Variants in NTM observed in about 807,000 individuals in gnomAD.
NTM encodes the protein IgLON family member 2.
In NTM, 13 loss-of-function variants were observed where a neutral mutation model predicts 42.1. The ratio of observed to expected loss-of-function variants is 0.31; its 90% CI spans 0.20 to 0.49. The LOEUF is 0.49. Among genes scored for constraint, NTM ranks in the 20% least tolerant of loss-of-function variants. The pLI, the probability that NTM is intolerant of heterozygous loss-of-function variation, is 0.99. For synonymous variants in NTM, 187 were observed against 179.2 expected (o/e 1.04, Z -0.35); for missense variants, 373 against 452.8 (o/e 0.82, Z 1.60).
chr11:132,019,172 CTT>C (rs149348607), intron 2 of NTM, among the ~76,000 whole-genome samples: 2,470 of 151,350 alleles, frequency 0.016, 75 homozygotes, highest in African/African-American at 0.055. Flanking sequence ...TTTTCATTCT[CTT>C]ATCATTATTA....
chr11:132,228,526 G>A (rs1037357708), intron 4 of NTM, among the ~76,000 whole-genome samples: 1 of 152,238 alleles, frequency 6.6e-6, no homozygotes, highest in Non-Finnish European at 1.5e-5. Context: ...CTTGGAGAGG[G>A]AAAGCCAGTT....
chr11:132,151,442 T>C (rs916254213), intron 3 of NTM, among the ~76,000 whole-genome samples: 3 of 152,208 alleles, frequency 2.0e-5, no homozygotes, highest in African/African-American at 4.8e-5. Context: ...CTGGTGTACC[T>C]GCAGGAATTC....
At chr11:131,820,431 G>A (rs116080966) in intron 1 of NTM, among the ~76,000 whole-genome samples, 2,937 of 152,176 alleles carry the variant, frequency 0.019, 89 homozygotes, top group African/African-American at 0.066. Context: ...TTCCATGCTT[G>A]CTTTTCATTT....
intron 3 of NTM, among the ~76,000 whole-genome samples, chr11:132,152,586 C>T (rs745834464): frequency 4.6e-5 from 7 of 152,164 alleles, no homozygotes; most frequent in Non-Finnish European, 7.3e-5. Flanking sequence ...CAAAGCACCC[C>T]GGAGAATGAC....
intron 2 of NTM, among the ~76,000 whole-genome samples, chr11:132,109,974 C>A (rs1322527446): frequency 6.6e-6 from 1 of 152,226 alleles, no homozygotes; most frequent in Admixed American, 6.5e-5. Flanking sequence ...CAGGCTCCTG[C>A]TTACCATTTG....
intron 1 of NTM, among the ~76,000 whole-genome samples, chr11:131,432,252 C>T (rs1039675456): frequency 1.3e-5 from 2 of 152,096 alleles, no homozygotes; most frequent in African/African-American, 2.4e-5. Context: ...TCTTTATTCC[C>T]CGCCAGTCCG....
At chr11:131,976,248 G>C (rs1388558700) in intron 2 of NTM, among the ~76,000 whole-genome samples, 4 of 151,970 alleles carry the variant, frequency 2.6e-5, no homozygotes, top group Non-Finnish European at 1.5e-5. Context: ...TGAAAAGAGA[G>C]GTGATAAGAG....
chr11:131,463,504 T>A (rs1408238824), intron 1 of NTM, among the ~76,000 whole-genome samples: 2 of 152,206 alleles, frequency 1.3e-5, no homozygotes, highest in African/African-American at 4.8e-5. Context: ...GGGATTAGCA[T>A]ATCAGCCAGG....
At chr11:131,688,362 C>A (rs981992718) in intron 1 of NTM, among the ~76,000 whole-genome samples, 6 of 152,228 alleles carry the variant, frequency 3.9e-5, no homozygotes, top group African/African-American at 9.6e-5. Context: ...GGATAGCACA[C>A]GCCACTAACT....
intron 1 of NTM, among the ~76,000 whole-genome samples, chr11:131,725,137 C>T (rs1479746464): frequency 6.6e-6 from 1 of 152,058 alleles, no homozygotes; most frequent in African/African-American, 2.4e-5. Context: ...AATCTGTTGG[C>T]AATGAAGGCC....
intron 1 of NTM, among the ~76,000 whole-genome samples, chr11:131,450,144 C>A (rs140864667): frequency 1.3e-5 from 2 of 152,276 alleles, no homozygotes; most frequent in East Asian, 3.9e-4. Flanking sequence ...CTTTGTCCTG[C>A]AAAATAACTT....
At position 132,218,055 on chromosome 11, in the gene NTM, AGCTCTG is replaced by A. The variant is rs981528914; in HGVS notation, c.526+5911_526+5916del. Among the ~76,000 whole-genome samples, 58 of 152,260 alleles carry A rather than the reference AGCTCTG, an allele frequency of 3.8e-4. 1 individual carries two copies. The highest frequency in any genetic ancestry group is 3.4e-3 in the Admixed American group (52 of 15,300). On this transcript the variant is annotated intron_variant, in intron 4 of 8. Coordinates refer to ENST00000683400, the MANE Select transcript of NTM (RefSeq NM_001352005.2). Reference sequence around the variant, plus strand: ...CTCTGTGAAAAAGTGTCAGGAGCAGAGCTCTGGCGTGCCATCGGCTGACTGCAGCAC... The same window carrying A: ...CTCTGTGAAAAAGTGTCAGGAGCAGAGCGTGCCATCGGCTGACTGCAGCAC...
rs569523855 is a variant in NTM at position 131,655,194 on chromosome 11, C to G, written c.83-256370C>G. ...GGGGTTGGGATACGACTTGAGTATGCGGGTTTTTCAAGTCTTCTGAAGTCA... is the reference window on the plus strand; with the variant it reads ...GGGGTTGGGATACGACTTGAGTATGGGGGTTTTTCAAGTCTTCTGAAGTCA... On this transcript the variant is annotated intron_variant, in intron 1 of 8. Transcript: ENST00000683400. Among the ~76,000 whole-genome samples, 25 of 152,258 alleles carry G rather than the reference C, an allele frequency of 1.6e-4. 1 individual carries two copies. Among genetic ancestry groups the G allele is most frequent in the Admixed American group, 1.3e-4 (2 of 15,294 alleles).
intron 8 of NTM, chr11:132,332,472 C>T (rs2095817829): frequency 6.6e-6 from 1 of 152,154 alleles, no homozygotes; most frequent in Admixed American, 6.5e-5. Context: ...GGCTGGCAGG[C>T]ACTTGGTGGC....
At chr11:132,168,097 C>T (rs1297594220) in intron 3 of NTM, among the ~76,000 whole-genome samples, 1 of 152,190 alleles carries the variant, frequency 6.6e-6, no homozygotes, top group African/African-American at 2.4e-5. Flanking sequence ...TCACAAGATA[C>T]ATTAATCAGT....
At chr11:131,925,128 C>G (rs1395223271) in intron 2 of NTM, among the ~76,000 whole-genome samples, 1 of 152,184 alleles carries the variant, frequency 6.6e-6, no homozygotes, top group Non-Finnish European at 1.5e-5. Context: ...CAAATGAGCA[C>G]ATATCCATAA....
At chr11:132,011,015 C>T (rs2072051753) in intron 2 of NTM, among the ~76,000 whole-genome samples, 1 of 151,176 alleles carries the variant, frequency 6.6e-6, no homozygotes, top group African/African-American at 2.4e-5. Context: ...CTCGTATGGG[C>T]ATTATCACAA....
intron 2 of NTM, among the ~76,000 whole-genome samples, chr11:132,000,891 G>T (rs2069083092): frequency 6.6e-6 from 1 of 152,228 alleles, no homozygotes; most frequent in South Asian, 2.1e-4. Context: ...CTTTTTACTG[G>T]CGTTTATCTT....
At chr11:132,314,183 A>G (rs1272696624) in intron 6 of NTM, among the ~76,000 whole-genome samples, 1 of 142,368 alleles carries the variant, frequency 7.0e-6, no homozygotes. Context: ...CATCACCATC[A>G]TCATCATCAG....
Sources: allele counts gnomAD v4.1 joint callset (sites outside exome capture counted in the v4.1 genomes callset), GRCh38; gene constraint gnomAD v4.1.1; transcripts MANE v1.5; gene names NCBI Gene and HGNC (gene_info 2026-07-23, HGNC 2026-07-21).